Variants in ARHGAP24 observed in about 807,000 individuals in gnomAD.
ARHGAP24 encodes the protein Rho GTPase activating protein 24, also known as rho GTPase-activating protein 24.
Under a neutral mutation model 76.4 loss-of-function variants are expected in ARHGAP24, and 50 were observed. The observed-to-expected ratio is 0.65, with a 90% CI of 0.52 to 0.83. The LOEUF (loss-of-function observed/expected upper bound fraction) is 0.83, where lower values mean the gene tolerates loss of function less well. Ranked by LOEUF, ARHGAP24 falls within the 40% of genes least tolerant of loss-of-function variation. ARHGAP24 has a pLI of 0.00. For synonymous variants in ARHGAP24, 345 were observed against 323.3 expected (o/e 1.07, Z -0.72); for missense variants, 930 against 914.2 (o/e 1.02, Z -0.22).
At chr4:85,803,823 G>C (rs988939845) in intron 3 of ARHGAP24, among the ~76,000 whole-genome samples, 2 of 152,092 alleles carry the variant, frequency 1.3e-5, no homozygotes, top group Admixed American at 6.5e-5. Flanking sequence ...AGAGTCAGAG[G>C]CTCCTAATGG....
At chr4:85,497,108 G>T (rs17010260) in intron 1 of ARHGAP24, among the ~76,000 whole-genome samples, 1 of 152,284 alleles carries the variant, frequency 6.6e-6, no homozygotes. Context: ...CGGTTAAAAC[G>T]ATTAAACTTG....
intron 3 of ARHGAP24, among the ~76,000 whole-genome samples, chr4:85,731,448 G>T (rs572618362): frequency 1.1e-4 from 17 of 152,316 alleles, no homozygotes; most frequent in Admixed American, 2.6e-4. Flanking sequence ...ATGCATGTTT[G>T]TTGAATTAAT....
chr4:85,999,544 A>G (rs944089359), intron 9 of ARHGAP24, among the ~76,000 whole-genome samples: 15 of 152,202 alleles, frequency 9.9e-5, no homozygotes, highest in African/African-American at 3.6e-4. Flanking sequence ...TAACCTTTCA[A>G]ATTTCAGTGG....
At chr4:85,833,706 T>G (rs1248836403) in intron 3 of ARHGAP24, among the ~76,000 whole-genome samples, 8 of 152,184 alleles carry the variant, frequency 5.3e-5, no homozygotes, top group African/African-American at 1.7e-4. Flanking sequence ...TTTTTAAACT[T>G]TTAAAATTTA....
chr4:85,692,573 T>G (rs1163212249), intron 2 of ARHGAP24, among the ~76,000 whole-genome samples: 1 of 152,198 alleles, frequency 6.6e-6, no homozygotes, highest in East Asian at 1.9e-4. Context: ...GAACCAGTGT[T>G]TGGGCTCTGA....
At chr4:85,708,831 C>G (rs558342056) in intron 2 of ARHGAP24, among the ~76,000 whole-genome samples, 4 of 152,128 alleles carry the variant, frequency 2.6e-5, no homozygotes, top group Admixed American at 1.3e-4. Flanking sequence ...AATAAATTCT[C>G]CTGGGAGAAT....
chr4:85,914,186 C>G (rs558328386), intron 3 of ARHGAP24, among the ~76,000 whole-genome samples: 110 of 152,276 alleles, frequency 7.2e-4, no homozygotes, highest in Non-Finnish European at 1.3e-3. Flanking sequence ...AAGCTTAGTA[C>G]TTTCTGGCTG....
intron 1 of ARHGAP24, among the ~76,000 whole-genome samples, chr4:85,504,258 G>A (rs1055444789): frequency 6.6e-6 from 1 of 152,252 alleles, no homozygotes; most frequent in East Asian, 1.9e-4. Flanking sequence ...CTGAGTTCAA[G>A]TCCTGGATAT....
At chr4:85,491,544 C>A (rs566235495) in intron 1 of ARHGAP24, among the ~76,000 whole-genome samples, 2 of 152,294 alleles carry the variant, frequency 1.3e-5, no homozygotes, top group South Asian at 4.1e-4. Context: ...AACACACACA[C>A]ACACACAGCT....
intron 3 of ARHGAP24, among the ~76,000 whole-genome samples, chr4:85,849,675 T>C (rs147079591): frequency 0.032 from 4,856 of 152,254 alleles, 291 homozygotes; most frequent in African/African-American, 0.11. Context: ...TGCATTTTAT[T>C]GAAGGCCTTT....
At chr4:85,762,653 C>T (rs531056281) in intron 3 of ARHGAP24, among the ~76,000 whole-genome samples, 1 of 152,306 alleles carries the variant, frequency 6.6e-6, no homozygotes, top group Middle Eastern at 3.4e-3. Flanking sequence ...CCCAAGGTCA[C>T]ATAGCCCATG....
intron 4 of ARHGAP24, among the ~76,000 whole-genome samples, chr4:85,940,674 CT>C (rs748234250): frequency 6.6e-6 from 1 of 152,128 alleles, no homozygotes; most frequent in Non-Finnish European, 1.5e-5. Context: ...CTAACTAGAC[CT>C]GTTATCTGCT....
intron 2 of ARHGAP24, among the ~76,000 whole-genome samples, chr4:85,627,883 G>A (rs998854361): frequency 9.8e-5 from 15 of 152,296 alleles, no homozygotes; most frequent in Non-Finnish European, 1.8e-4. Flanking sequence ...AGCCAGGTGC[G>A]GGATATAATC....
chr4:85,500,819 C>A (rs1178553548), intron 1 of ARHGAP24, among the ~76,000 whole-genome samples: 6 of 152,036 alleles, frequency 3.9e-5, no homozygotes, highest in Admixed American at 6.6e-5. Flanking sequence ...TGCACCCATC[C>A]ACTCGTCATT....
intron 3 of ARHGAP24, among the ~76,000 whole-genome samples, chr4:85,743,263 C>T (rs970755956): frequency 2.4e-4 from 37 of 151,428 alleles, no homozygotes; most frequent in African/African-American, 9.0e-4. Flanking sequence ...TCTGGGACCT[C>T]GGAGGTGAAA....
chr4:85,995,626 C>T lies in ARHGAP24; in HGVS notation c.1972C>T (p.Gln658Ter). ...VSSLKQEMTK[Q>*]KIEYESRIKS... ...CAGCCTGAAACAGGAAATGACCAAA[C>T]AGAAGATAGAGTATGAGTCCAGGAT... is the stretch of plus-strand genomic sequence containing the variant. The change falls in exon 9 of 10, where the codon CAG becomes TAG. Residue 658 changes from glutamine to a stop codon, truncating the protein, a stop_gained. Transcript: ENST00000395184. LOFTEE classifies it high-confidence loss of function. 6.2e-7 allele frequency: 1 copy of T among 1,613,902 alleles called. No individual in the cohort carries two copies.
chr4:85,683,537 C>A (rs1300761460), intron 2 of ARHGAP24, among the ~76,000 whole-genome samples: 1 of 152,078 alleles, frequency 6.6e-6, no homozygotes, highest in Non-Finnish European at 1.5e-5. Flanking sequence ...AGATTAGCTG[C>A]CCTTGATTAT....
intron 1 of ARHGAP24, among the ~76,000 whole-genome samples, chr4:85,480,214 T>G (rs535957196): frequency 1.6e-4 from 25 of 152,184 alleles, no homozygotes; most frequent in Non-Finnish European, 3.4e-4. Context: ...CTTGGCACCT[T>G]ATGTTATGCG....
At chr4:85,667,199 A>G (rs962679961) in intron 2 of ARHGAP24, among the ~76,000 whole-genome samples, 3 of 152,214 alleles carry the variant, frequency 2.0e-5, no homozygotes, top group Admixed American at 6.5e-5. Context: ...AGCCTGGGCA[A>G]TGGCGGGCTC....
Sources: gnomAD v4.1 joint callset for allele counts (sites outside exome capture counted in the v4.1 genomes callset) on GRCh38, gnomAD v4.1.1 for gene constraint, MANE v1.5 for transcripts, NCBI Gene and HGNC (gene_info 2026-07-23, HGNC 2026-07-21) for gene names.